The following KCNS3 variants were observed in gnomAD, a reference collection of about 807,000 sequenced individuals.
KCNS3 encodes the protein delayed-rectifier potassium channel regulatory subunit KCNS3.
In KCNS3, 13 loss-of-function variants were observed where a neutral mutation model predicts 31.0. The ratio of observed to expected loss-of-function variants is 0.42; its 90% CI spans 0.27 to 0.67. The LOEUF is 0.67. Ranked by LOEUF, KCNS3 falls within the 30% of genes least tolerant of loss-of-function variation. The probability of loss-of-function intolerance (pLI) is 0.25; values close to 1 mark genes in which losing one functional copy is unlikely to be tolerated. For missense variants in KCNS3, 545 were observed against 622.4 expected (o/e 0.88, Z 1.32); for synonymous variants, 238 against 241.5 (o/e 0.99, Z 0.13).
chr2:17,924,505 C>G (rs1646097003), intron 2 of KCNS3, among the ~76,000 whole-genome samples: 1 of 151,962 alleles, frequency 6.6e-6, no homozygotes. Context: ...CATAGATGCT[C>G]TTTATCAAAT....
At chr2:17,927,883 T>C (rs1043324134) in intron 2 of KCNS3, among the ~76,000 whole-genome samples, 2 of 152,238 alleles carry the variant, frequency 1.3e-5, no homozygotes. Context: ...CCACCTCAGC[T>C]GCCAGTTTTC....
chr2:17,921,339 A>G (rs1662698720), intron 2 of KCNS3, among the ~76,000 whole-genome samples: 1 of 152,232 alleles, frequency 6.6e-6, no homozygotes, highest in Non-Finnish European at 1.5e-5. Context: ...ATGTATTATT[A>G]TGAAATCAAT....
intron 2 of KCNS3, among the ~76,000 whole-genome samples, chr2:17,927,063 G>T (rs148576922): frequency 1.3e-5 from 2 of 152,316 alleles, no homozygotes; most frequent in African/African-American, 2.4e-5. Context: ...ACACTTTGTT[G>T]CTTAGAAATT....
chr2:17,924,277 T>C (rs1362515752), intron 2 of KCNS3, among the ~76,000 whole-genome samples: 1 of 152,000 alleles, frequency 6.6e-6, no homozygotes. Context: ...GGATTTTCTA[T>C]ATACAAGATC....
intron 1 of KCNS3, among the ~76,000 whole-genome samples, chr2:17,883,539 G>T (rs1284829865): frequency 6.6e-6 from 1 of 152,130 alleles, no homozygotes; most frequent in Non-Finnish European, 1.5e-5. Context: ...AGATGAGAGG[G>T]TCAGAGAAGA....
At chr2:17,926,474 CT>C (rs1662839704) in intron 2 of KCNS3, among the ~76,000 whole-genome samples, 1 of 152,250 alleles carries the variant, frequency 6.6e-6, no homozygotes, top group African/African-American at 2.4e-5. Context: ...GGCTCTGCCC[CT>C]GTAGCAAACT....
chr2:17,884,260 AAAAAAAAAATATATATATAT>A lies in KCNS3; in HGVS notation c.-252+5456_-252+5475del, dbSNP rs1192677505. ...CCCTAGAACTTAAAGTATAATTAAA[AAAAAAAAAATATATATATAT>A]ATATATATATATATATATATATATT... On this transcript the variant is annotated intron_variant, in intron 1 of 2. Coordinates refer to ENST00000304101, the MANE Select transcript of KCNS3 (RefSeq NM_002252.5). 1.8e-4 allele frequency among the ~76,000 whole-genome samples: 15 copies of A among 81,386 alleles called. No homozygotes were observed. In the East Asian group the frequency reaches 3.1e-3, roughly 17 times the overall value. The allele number at this position is 81,386 out of a possible 152,430, so 53.4% of individuals were successfully genotyped here.
chr2:17,889,145 C>G (rs1370990046), intron 1 of KCNS3, among the ~76,000 whole-genome samples: 1 of 152,024 alleles, frequency 6.6e-6, no homozygotes, highest in Non-Finnish European at 1.5e-5. Flanking sequence ...TCTTTTGACT[C>G]CTTTGTTAGG....
At chr2:17,900,972 G>A (rs1662159688) in intron 1 of KCNS3, among the ~76,000 whole-genome samples, 1 of 152,048 alleles carries the variant, frequency 6.6e-6, no homozygotes, top group South Asian at 2.1e-4. Flanking sequence ...CTTCTCTGTG[G>A]TATCTGATAT....
intron 1 of KCNS3, among the ~76,000 whole-genome samples, chr2:17,884,702 G>A (rs1661582916): frequency 6.6e-6 from 1 of 152,110 alleles, no homozygotes; most frequent in Non-Finnish European, 1.5e-5. Flanking sequence ...CTGAGGTTAG[G>A]GATGTGAGTC....
At chr2:17,900,973 T>G (rs1051797612) in intron 1 of KCNS3, among the ~76,000 whole-genome samples, 1 of 152,222 alleles carries the variant, frequency 6.6e-6, no homozygotes, top group African/African-American at 2.4e-5. Context: ...TTCTCTGTGG[T>G]ATCTGATATT....
At chr2:17,882,500 G>A (rs1479392781) in intron 1 of KCNS3, among the ~76,000 whole-genome samples, 1 of 152,222 alleles carries the variant, frequency 6.6e-6, no homozygotes, top group Non-Finnish European at 1.5e-5. Context: ...GAGCTAGAGA[G>A]CAGAACAGGA....
chr2:17,929,444 T>TCTGTCAC (rs1662907270), intron 2 of KCNS3, among the ~76,000 whole-genome samples: 1 of 151,924 alleles, frequency 6.6e-6, no homozygotes, highest in Non-Finnish European at 1.5e-5. Flanking sequence ...CCAGATCTCA[T>TCTGTCAC]GAGAACTCTG....
intron 2 of KCNS3, among the ~76,000 whole-genome samples, chr2:17,924,279 T>C (rs1662785979): frequency 6.6e-6 from 1 of 152,004 alleles, no homozygotes; most frequent in African/African-American, 2.4e-5. Context: ...ATTTTCTATA[T>C]ACAAGATCAT....
chr2:17,885,170 C>T (rs572706999), intron 1 of KCNS3, among the ~76,000 whole-genome samples: 4 of 152,184 alleles, frequency 2.6e-5, no homozygotes, highest in Admixed American at 1.3e-4. Context: ...TAGAGAGACA[C>T]TAATAATAAA....
intron 1 of KCNS3, among the ~76,000 whole-genome samples, chr2:17,907,170 T>C (rs1382581821): frequency 7.0e-6 from 1 of 142,562 alleles, no homozygotes; most frequent in Non-Finnish European, 1.6e-5. Context: ...ATATTTAAGA[T>C]AGTTAGCTCT....
chr2:17,930,453 T>G (rs1662933094), intron 2 of KCNS3, among the ~76,000 whole-genome samples: 1 of 152,180 alleles, frequency 6.6e-6, no homozygotes, highest in Non-Finnish European at 1.5e-5. Flanking sequence ...AGAGCTGAGC[T>G]GAGCCCCCTG....
chr2:17,901,652 G>A (rs776955698), intron 1 of KCNS3, among the ~76,000 whole-genome samples: 2 of 152,090 alleles, frequency 1.3e-5, no homozygotes, highest in Non-Finnish European at 2.9e-5. Context: ...GAAGAGCAGA[G>A]GCACAAGGAG....
At chr2:17,903,954 A>G (rs1450383362) in intron 1 of KCNS3, among the ~76,000 whole-genome samples, 2 of 152,120 alleles carry the variant, frequency 1.3e-5, no homozygotes, top group Admixed American at 6.6e-5. Context: ...ATGATTTATA[A>G]TCCTTTGGGT....
Sources: allele counts gnomAD v4.1 joint callset (sites outside exome capture counted in the v4.1 genomes callset), GRCh38; gene constraint gnomAD v4.1.1; transcripts MANE v1.5; gene names NCBI Gene and HGNC (gene_info 2026-07-23, HGNC 2026-07-21).